Variants in REPS1 observed in about 807,000 individuals in gnomAD.
REPS1 encodes ralBP1-associated Eps domain-containing protein 1.
Under a neutral mutation model 100.9 loss-of-function variants are expected in REPS1, and 39 were observed. That is an observed-to-expected ratio of 0.39 (90% CI 0.30 to 0.50). REPS1 has a LOEUF of 0.50. Among genes scored for constraint, REPS1 ranks in the 20% least tolerant of loss-of-function variants. The pLI, the probability that REPS1 is intolerant of heterozygous loss-of-function variation, is 0.86. For synonymous variants in REPS1, 324 were observed against 340.3 expected, an observed-to-expected ratio of 0.95 and a Z score of 0.53; for missense variants, 821 against 968.5, an observed-to-expected ratio of 0.85 and a Z score of 2.02.
Position 138,907,555 on chromosome 6 carries a change from A to G in REPS1, c.2262T>C (p.Arg754=). ...CCAAAACGGTGTTGGTTTCCTTATT[A>G]CGTCTAATTGATGCCTGAATAGCTT... ...DKKAIQASIR[R]NKETNTVLAR... is the part of the protein sequence containing the mutation. Residue 754 remains arginine, a synonymous_variant, in exon 19 of 20, where the codon CGT becomes CGC. Transcript: ENST00000450536. The G allele has an allele frequency of 6.2e-7, 1 of 1,613,890 alleles. No individual in the cohort carries two copies. The highest frequency in any genetic ancestry group is 8.5e-7 in the Non-Finnish European group (1 of 1,179,858).
chr6:138,984,072 CTCTCTCT>C (rs1325934062), intron 1 of REPS1, among the ~76,000 whole-genome samples: 1 of 149,822 alleles, frequency 6.7e-6, no homozygotes, highest in African/African-American at 2.5e-5. Flanking sequence ...CCATCTCTCT[CTCTCTCT>C]TTTTTTTTTT....
At chr6:138,957,724 G>C (rs537264758) in intron 1 of REPS1, among the ~76,000 whole-genome samples, 6 of 152,168 alleles carry the variant, frequency 3.9e-5, no homozygotes, top group African/African-American at 1.4e-4. Flanking sequence ...AGAACTCAAC[G>C]GCTATGAAGG....
At chr6:138,977,275 G>T (rs2128508008) in intron 1 of REPS1, among the ~76,000 whole-genome samples, 1 of 152,246 alleles carries the variant, frequency 6.6e-6, no homozygotes, top group African/African-American at 2.4e-5. Flanking sequence ...TTTGCTTTTT[G>T]TAGACAGTCC....
At chr6:138,922,142 G>A (rs964171770) in intron 10 of REPS1, among the ~76,000 whole-genome samples, 2 of 152,096 alleles carry the variant, frequency 1.3e-5, no homozygotes, top group Non-Finnish European at 2.9e-5. Context: ...CAAAATCTAA[G>A]TAACAGACTG....
intron 18 of REPS1, 55 bp from the exon 19 acceptor site, chr6:138,907,655 C>CCT (rs1223441181): frequency 9.6e-7 from 1 of 1,046,414 alleles, no homozygotes; most frequent in Non-Finnish European, 1.5e-6. Flanking sequence ...TATCTTAAAT[C>CCT]CTCTCTATTC....
intron 8 of REPS1, among the ~76,000 whole-genome samples, chr6:138,935,497 G>C (rs1206893420): frequency 5.3e-5 from 8 of 152,134 alleles, no homozygotes; most frequent in Non-Finnish European, 7.4e-5. Flanking sequence ...GAGGAAAACA[G>C]TTAATTGGAG....
At chr6:138,951,072 A>G (rs1782992772) in intron 1 of REPS1, 1 of 152,164 alleles carries the variant, frequency 6.6e-6, no homozygotes, top group South Asian at 2.1e-4. Context: ...TTGTAATCCC[A>G]GCTACTCAGG....
At chr6:138,965,174 T>C (rs1783947536) in intron 1 of REPS1, among the ~76,000 whole-genome samples, 1 of 152,148 alleles carries the variant, frequency 6.6e-6, no homozygotes, top group Non-Finnish European at 1.5e-5. Flanking sequence ...CTGCTCATAA[T>C]CAGTCTCACT....
Position 138,905,062 on chromosome 6 carries a change from G to A in REPS1, c.*2C>T. 1.2e-6 allele frequency: 2 copies of A among 1,613,758 alleles called. No individual in the cohort carries two copies. The highest frequency in any genetic ancestry group is 1.7e-6 in the Non-Finnish European group (2 of 1,179,748). ...GTATGTTCACAGTTAACGGCAATTG[G>A]CTTATAGGTGAGAGAATGGTCGAAG... On this transcript the variant is annotated 3_prime_UTR_variant, in exon 20 of 20. Coordinates refer to ENST00000450536, the MANE Select transcript of REPS1 (RefSeq NM_001286611.2).
Position 138,926,388 on chromosome 6 carries a change from G to A in REPS1, c.1338+13C>T, listed in dbSNP as rs1400021937. 2 of 1,589,958 alleles carry A rather than the reference G, an allele frequency of 1.3e-6. No individual in the cohort carries two copies. Among genetic ancestry groups the A allele is most frequent in the East Asian group, 2.2e-5 (1 of 44,738 alleles). Reference sequence around the variant, plus strand: ...AATTAATCTCAAACAAGCAAGCTAAGTGATTGACTTACAGGATCAGCTGGT... The same window carrying A: ...AATTAATCTCAAACAAGCAAGCTAAATGATTGACTTACAGGATCAGCTGGT... On this transcript the variant is annotated intron_variant, in intron 10 of 19. Transcript: ENST00000450536.
chr6:138,980,315 G>C (rs1421135157), intron 1 of REPS1, among the ~76,000 whole-genome samples: 1 of 152,144 alleles, frequency 6.6e-6, no homozygotes, highest in Non-Finnish European at 1.5e-5. Context: ...ACAGCAGTCA[G>C]CATGATCTTT....
chr6:138,955,189 C>T (rs1783294211), intron 1 of REPS1, among the ~76,000 whole-genome samples: 1 of 151,956 alleles, frequency 6.6e-6, no homozygotes, highest in African/African-American at 2.4e-5. Context: ...ATGGCTCACA[C>T]CTGTAATCCC....
chr6:138,929,143 C>T (rs1781329082), intron 9 of REPS1: 1 of 152,022 alleles, frequency 6.6e-6, no homozygotes, highest in Non-Finnish European at 1.5e-5. Context: ...GCATTTCCTA[C>T]ATGCTACAAA....
rs141454346 is a variant in REPS1, at chr6:138,910,800, T to C, written c.2067+476A>G. 512 of 153,516 alleles carry C rather than the reference T, an allele frequency of 3.3e-3. 1 individual carries two copies. The highest frequency in any genetic ancestry group is 0.012 in the African/African-American group (481 of 41,580). The allele number at this position is 153,516 out of a possible 1,614,324, so 9.5% of individuals were successfully genotyped here. ...TAGTAAAGCAAGTATCCTAAAATAATAATGGTATAAAGTAGTGAATTTACT... is the reference window on the plus strand; with the variant it reads ...TAGTAAAGCAAGTATCCTAAAATAACAATGGTATAAAGTAGTGAATTTACT... On this transcript the variant is annotated intron_variant, in intron 17 of 19. Coordinates refer to ENST00000450536, the MANE Select transcript of REPS1 (RefSeq NM_001286611.2).
At chr6:138,939,164 C>G (rs1030739605) in intron 8 of REPS1, among the ~76,000 whole-genome samples, 1 of 152,216 alleles carries the variant, frequency 6.6e-6, no homozygotes. Context: ...CCAGAATCAA[C>G]AGAATACCAA....
chr6:138,907,089 T>C (rs1379313864), intron 19 of REPS1, among the ~76,000 whole-genome samples: 1 of 152,202 alleles, frequency 6.6e-6, no homozygotes, highest in Non-Finnish European at 1.5e-5. Flanking sequence ...TCTTTCCACA[T>C]GCAAGATGAC....
chr6:138,907,750 A>T, intron 18 of REPS1, 150 bp from the exon 19 acceptor site: 1 of 562,046 alleles, frequency 1.8e-6, no homozygotes, highest in Non-Finnish European at 3.2e-6. Context: ...GCTCAGTTGC[A>T]GTAGTATATA....
rs776506881 is a variant in REPS1 at position 138,941,376 on chromosome 6, T to G, written c.1094A>C (p.Glu365Ala). 6 of 1,613,996 alleles carry G rather than the reference T, an allele frequency of 3.7e-6. No homozygotes were observed. Among genetic ancestry groups the G allele is most frequent in the South Asian group, 2.2e-5 (2 of 91,084 alleles). The change falls in exon 8 of 20, where the codon GAA becomes GCA. Residue 365 changes from glutamate (E) to alanine (A), a missense_variant. Physicochemically the swap from Glu to Ala is moderately radical, Grantham distance 107 (BLOSUM62 -1). This residue lies in a region of REPS1 where 757 missense variants were observed against 866.4 expected (regional missense o/e 0.87). Coordinates refer to ENST00000450536, the MANE Select transcript of REPS1 (RefSeq NM_001286611.2). ...NGYDLPEKLP[E>A]SLMPKLIDLE... is the part of the protein sequence containing the mutation. Reference sequence around the variant, plus strand: ...ATCAATCAGTTTGGGCATTAAGCTTTCAGGAAGTTTTTCTGGTAAATCATA... The same window carrying G: ...ATCAATCAGTTTGGGCATTAAGCTTGCAGGAAGTTTTTCTGGTAAATCATA...
intron 1 of REPS1, among the ~76,000 whole-genome samples, chr6:138,959,967 T>C (rs1488254913): frequency 6.6e-6 from 1 of 151,756 alleles, no homozygotes; most frequent in Non-Finnish European, 1.5e-5. Flanking sequence ...TGTTCCCACA[T>C]GCCTCCAAGA....
Sources: gnomAD v4.1 joint callset for allele counts (sites outside exome capture counted in the v4.1 genomes callset) on GRCh38, gnomAD v4.1.1 for gene constraint, gnomAD v4.1.1 regional missense constraint, MANE v1.5 for transcripts, NCBI Gene and HGNC (gene_info 2026-07-23, HGNC 2026-07-21) for gene names.